The following ELP4 variants were observed in gnomAD, a reference collection of about 807,000 sequenced individuals.
The protein encoded by ELP4 is elongator complex protein 4.
Under a neutral mutation model 48.9 loss-of-function variants are expected in ELP4, and 51 were observed. The ratio of observed to expected loss-of-function variants is 1.04; its 90% confidence interval spans 0.83 to 1.32. The LOEUF is 1.32. Ranked by LOEUF, ELP4 falls within the 40% of genes most tolerant of loss-of-function variation. The pLI is 0.00. For missense variants in ELP4, 519 were observed against 514.6 expected (o/e 1.01, Z -0.08); for synonymous variants, 210 against 189.2 (o/e 1.11, Z -0.90).
In ELP4 at chr11:31,734,107, G is replaced by T. The variant is rs78906443; in HGVS notation, c.1144-49286G>T. On this transcript the variant is annotated intron_variant, in intron 9 of 9. Coordinates refer to ENST00000640961, the MANE Select transcript of ELP4 (RefSeq NM_019040.5). ...GATACATCACATTAACAGATTGAGG[G>T]ATGAAAAAGCACATGATCATCTTAA... Among the ~76,000 whole-genome samples the T allele has an allele frequency of 7.3e-3, 1,110 of 152,260 alleles. 12 individuals are homozygous for T. The highest frequency in any genetic ancestry group is 0.013 in the Non-Finnish European group (880 of 68,026).
At chr11:31,587,009 A>G (rs1294909975) in intron 3 of ELP4, among the ~76,000 whole-genome samples, 2 of 152,140 alleles carry the variant, frequency 1.3e-5, no homozygotes, top group African/African-American at 2.4e-5. Flanking sequence ...TAATCTATCT[A>G]CCTTGTCAGG....
At chr11:31,625,796 G>T (rs1944731402) in intron 5 of ELP4, among the ~76,000 whole-genome samples, 1 of 151,744 alleles carries the variant, frequency 6.6e-6, no homozygotes, top group Non-Finnish European at 1.5e-5. Context: ...ACTATGTTCT[G>T]AAAAGTTGAT....
intron 7 of ELP4, among the ~76,000 whole-genome samples, chr11:31,643,602 A>G (rs577228980): frequency 6.6e-6 from 1 of 152,002 alleles, no homozygotes; most frequent in South Asian, 2.1e-4. Context: ...AGAAAATTGT[A>G]GGAGCTTTAA....
intron 3 of ELP4, among the ~76,000 whole-genome samples, chr11:31,540,939 A>T (rs1489709875): frequency 1.3e-5 from 2 of 152,186 alleles, no homozygotes; most frequent in Non-Finnish European, 2.9e-5. Flanking sequence ...GCCAAAGCAC[A>T]CTTTTTCCCT....
chr11:31,767,387 T>TAG (rs1948063047), intron 9 of ELP4: 1 of 144,886 alleles, frequency 6.9e-6, no homozygotes, highest in Non-Finnish European at 1.5e-5. Flanking sequence ...GACCTCCTTG[T>TAG]AAAAAAAAAA....
intron 9 of ELP4, among the ~76,000 whole-genome samples, chr11:31,778,828 A>T (rs752959879): frequency 1.3e-4 from 20 of 152,248 alleles, no homozygotes; most frequent in Non-Finnish European, 2.2e-4. Flanking sequence ...TAAGGTATTT[A>T]TAAGTTGTTG....
intron 7 of ELP4, chr11:31,645,976 C>G (rs1170729880): frequency 6.7e-6 from 1 of 149,504 alleles, no homozygotes; most frequent in Non-Finnish European, 1.5e-5. Flanking sequence ...GTCTGGCAGA[C>G]ATTTTTGTTT....
rs753678395 is a variant in ELP4 at position 31,515,001 on chromosome 11, A to ATGTGTGTG, written c.223+5020_224-5022dup. On this transcript the variant is annotated intron_variant, in intron 1 of 9. Transcript: ENST00000640961. ...ATAGAGAAATTTTGCTGCTGTATGC[A>ATGTGTGTG]TGTGTGTGTGTGTGTGTGTGTGTGT... Among the ~76,000 whole-genome samples the ATGTGTGTG allele has an allele frequency of 2.8e-3, 367 of 131,952 alleles. 1 individual carries two copies. The highest frequency in any genetic ancestry group is 9.9e-3 in the African/African-American group (345 of 34,970). The allele number at this position is 131,952 out of a possible 152,430, so 86.6% of individuals were successfully genotyped here. A position where few individuals can be genotyped will look rare whatever the true frequency, so the allele number is the denominator to read the frequency against.
chr11:31,614,343 A>C (rs550992794), intron 5 of ELP4, among the ~76,000 whole-genome samples: 187 of 152,228 alleles, frequency 1.2e-3, no homozygotes, highest in Middle Eastern at 3.4e-3. Flanking sequence ...TTATGTGTAG[A>C]AGTTCTTAAA....
intron 4 of ELP4, among the ~76,000 whole-genome samples, chr11:31,595,934 A>C (rs748858538): frequency 4.6e-5 from 7 of 152,174 alleles, no homozygotes; most frequent in South Asian, 2.1e-4. Context: ...ACATTCAACT[A>C]TCTTTTGAGA....
chr11:31,768,428 T>G (rs1948081411), intron 9 of ELP4, among the ~76,000 whole-genome samples: 1 of 152,130 alleles, frequency 6.6e-6, no homozygotes, highest in Non-Finnish European at 1.5e-5. Flanking sequence ...TTTTATAAAC[T>G]CAGTAGAGAG....
At chr11:31,741,201 C>T (rs1419317205) in intron 9 of ELP4, among the ~76,000 whole-genome samples, 4 of 152,226 alleles carry the variant, frequency 2.6e-5, no homozygotes, top group Admixed American at 6.5e-5. Flanking sequence ...GAGGGGCGCC[C>T]GCCATAGCCG....
chr11:31,726,564 G>A (rs1947078842), intron 9 of ELP4, among the ~76,000 whole-genome samples: 1 of 151,946 alleles, frequency 6.6e-6, no homozygotes, highest in South Asian at 2.1e-4. Context: ...AAATTCTCTG[G>A]TCAAATATGC....
At chr11:31,729,405 T>C (rs1947138130) in intron 9 of ELP4, among the ~76,000 whole-genome samples, 1 of 152,128 alleles carries the variant, frequency 6.6e-6, no homozygotes, top group African/African-American at 2.4e-5. Flanking sequence ...TAAAATGAAA[T>C]AATAGGCAAA....
chr11:31,764,583 C>T (rs1948007486), intron 9 of ELP4, among the ~76,000 whole-genome samples: 1 of 152,142 alleles, frequency 6.6e-6, no homozygotes, highest in Non-Finnish European at 1.5e-5. Flanking sequence ...GTTCTTTTCA[C>T]TCTTTTGTAA....
intron 2 of ELP4, among the ~76,000 whole-genome samples, chr11:31,527,058 A>G (rs1956306412): frequency 6.6e-6 from 1 of 152,044 alleles, no homozygotes; most frequent in Non-Finnish European, 1.5e-5. Flanking sequence ...TCTCACTGCT[A>G]AACCTAGAGG....
intron 5 of ELP4, among the ~76,000 whole-genome samples, chr11:31,614,653 C>G (rs1193153517): frequency 6.6e-6 from 1 of 152,082 alleles, no homozygotes; most frequent in African/African-American, 2.4e-5. Context: ...GTTAACATCA[C>G]CAGTAGTGGG....
intron 9 of ELP4, among the ~76,000 whole-genome samples, chr11:31,676,236 A>G (rs1945923546): frequency 2.0e-5 from 3 of 152,118 alleles, no homozygotes; most frequent in Non-Finnish European, 2.9e-5. Flanking sequence ...ACATCTTTTC[A>G]TAGCTAACTG....
chr11:31,520,291 A>T (rs1956191119), intron 2 of ELP4, among the ~76,000 whole-genome samples, 200 bp downstream of exon 2: 1 of 152,212 alleles, frequency 6.6e-6, no homozygotes, highest in Admixed American at 6.5e-5. Flanking sequence ...AATATATCTG[A>T]ACATGTAGCT....
Sources: allele counts gnomAD v4.1 joint callset (sites outside exome capture counted in the v4.1 genomes callset), GRCh38; gene constraint gnomAD v4.1.1; transcripts MANE v1.5; gene names NCBI Gene and HGNC (gene_info 2026-07-23, HGNC 2026-07-21).